The following EML5 variants were observed in gnomAD, a reference collection of about 807,000 sequenced individuals.
EML5 encodes EMAP like 5.
In EML5, 120 loss-of-function variants were observed where a neutral mutation model predicts 250.0. The observed-to-expected ratio is 0.48, with a 90% confidence interval of 0.41 to 0.56. EML5 has a LOEUF of 0.56. EML5 is among the 20% of genes least tolerant of loss of function. EML5 has a pLI of 0.00. For synonymous variants in EML5, 771 were observed against 806.5 expected, an observed-to-expected ratio of 0.96 and a Z score of 0.75; for missense variants, 2,006 against 2,437.6, an observed-to-expected ratio of 0.82 and a Z score of 3.73.
At chr14:88,728,608 T>C (rs772831734) in intron 7 of EML5, among the ~76,000 whole-genome samples, 4 of 152,128 alleles carry the variant, frequency 2.6e-5, no homozygotes, top group Non-Finnish European at 4.4e-5. Flanking sequence ...CATCTTCACA[T>C]TGTGTAGGCT....
chr14:88,733,416 G>C lies in EML5; in HGVS notation c.1049+2948C>G, dbSNP rs537947651. Among the ~76,000 whole-genome samples the C allele has an allele frequency of 2.0e-5, 3 of 152,336 alleles. 1 individual carries two copies. The highest frequency in any genetic ancestry group is 7.2e-5 in the African/African-American group (3 of 41,576). On this transcript the variant is annotated intron_variant, in intron 7 of 43. Transcript: ENST00000554922. ...GTTCTTTGAAGCTTTTAAGGTGATT[G>C]ACATTTTAACTAATATCTTTAGTTG...
intron 24 of EML5, among the ~76,000 whole-genome samples, chr14:88,662,707 T>C (rs2092162783): frequency 6.6e-6 from 1 of 151,840 alleles, no homozygotes; most frequent in Non-Finnish European, 1.5e-5. Flanking sequence ...CATGCCCAGC[T>C]AATTTTTTGT....
At chr14:88,618,032 C>T in intron 41 of EML5, 196 bp downstream of exon 41, 2 of 375,412 alleles carry the variant, frequency 5.3e-6, no homozygotes, top group Non-Finnish European at 9.4e-6. Flanking sequence ...CTTGATAAAT[C>T]ATGGAAACTG....
intron 1 of EML5, among the ~76,000 whole-genome samples, chr14:88,766,137 T>C (rs2094316596): frequency 6.6e-6 from 1 of 152,208 alleles, no homozygotes; most frequent in Non-Finnish European, 1.5e-5. Flanking sequence ...TGAGGATGTA[T>C]GTCGCCTCAG....
intron 33 of EML5, among the ~76,000 whole-genome samples, chr14:88,633,841 G>A (rs994228966): frequency 2.0e-5 from 3 of 152,112 alleles, no homozygotes; most frequent in East Asian, 1.9e-4. Flanking sequence ...GAACTCCTGG[G>A]CTCAAGTGAT....
At chr14:88,618,042 G>C in intron 41 of EML5, 186 bp downstream of exon 41, 1 of 398,400 alleles carries the variant, frequency 2.5e-6, no homozygotes, top group Non-Finnish European at 4.4e-6. Context: ...CATGGAAACT[G>C]ATAAAACATG....
chr14:88,658,475 T>A, intron 25 of EML5, 87 bp from the exon 26 acceptor site: 1 of 1,075,172 alleles, frequency 9.3e-7, no homozygotes, highest in Non-Finnish European at 1.3e-6. Flanking sequence ...TATTAATAAT[T>A]AAAAATTAAT....
chr14:88,685,242 TA>T, intron 19 of EML5, 100 bp from the exon 20 acceptor site: 1 of 998,632 alleles, frequency 1.0e-6, no homozygotes, highest in Non-Finnish European at 1.4e-6. Context: ...AAAATCACAT[TA>T]CAAGGTTTTC....
At chr14:88,702,761 A>AT (rs1434989110) in intron 13 of EML5, 129 bp from the exon 14 acceptor site, 27 of 640,676 alleles carry the variant, frequency 4.2e-5, no homozygotes, top group Non-Finnish European at 5.1e-5. Context: ...ATACTAAACA[A>AT]TTTTTTTTCA....
rs562289868 is a variant in EML5, at chr14:88,704,197, T to C, written c.2051+663A>G. Among the ~76,000 whole-genome samples the C allele has an allele frequency of 1.1e-4, 16 of 152,260 alleles. No homozygotes were observed. In the East Asian group the frequency reaches 3.1e-3, roughly 29 times the overall value. On this transcript the variant is annotated intron_variant, in intron 13 of 43. Transcript: ENST00000554922. ...TCCCCTTGGTGATGAGTGAGTTCTC[T>C]CTTGATTAGTTCATACAAGATCTGA...
chr14:88,650,394 T>C (rs534688080), intron 27 of EML5, among the ~76,000 whole-genome samples: 2 of 152,116 alleles, frequency 1.3e-5, no homozygotes, highest in South Asian at 4.1e-4. Context: ...TTGGAGGTTG[T>C]AGTGAGCCAA....
At chr14:88,683,386 T>G (rs969536394) in intron 20 of EML5, among the ~76,000 whole-genome samples, 4 of 152,186 alleles carry the variant, frequency 2.6e-5, no homozygotes, top group Non-Finnish European at 4.4e-5. Context: ...AGGAAAATGT[T>G]GAAAACAATA....
At position 88,738,687 on chromosome 14, in the gene EML5, A is replaced by G. The variant is rs576917227; in HGVS notation, c.847+192T>C. ...TTATGAAAGAATCTTTCTCCTAACA[A>G]TGAACCTAAACTCTTTACAGGCAAA... On this transcript the variant is annotated intron_variant, in intron 6 of 43. Transcript: ENST00000554922. 9.2e-5 allele frequency among the ~76,000 whole-genome samples: 14 copies of G among 152,300 alleles called. No individual in the cohort carries two copies. The East Asian group carries it at 2.3e-3, about 25-fold the overall frequency.
chr14:88,749,276 GACAA>G (rs1237833400), intron 2 of EML5, among the ~76,000 whole-genome samples: 2 of 152,178 alleles, frequency 1.3e-5, no homozygotes, highest in African/African-American at 4.8e-5. Context: ...GAAGACAATG[GACAA>G]ACAGTTTAAA....
chr14:88,709,259 C>CT (rs887721198), intron 10 of EML5, among the ~76,000 whole-genome samples: 48 of 151,976 alleles, frequency 3.2e-4, no homozygotes, highest in African/African-American at 1.1e-3. Flanking sequence ...ATAGACTTGA[C>CT]TACACTGAAA....
intron 7 of EML5, among the ~76,000 whole-genome samples, chr14:88,731,430 G>T (rs2093756692): frequency 6.6e-6 from 1 of 152,026 alleles, no homozygotes; most frequent in Admixed American, 6.5e-5. Flanking sequence ...AGTATTCCAT[G>T]GTGTATATGT....
intron 1 of EML5, among the ~76,000 whole-genome samples, chr14:88,783,974 C>G (rs1288982540): frequency 6.6e-6 from 1 of 151,974 alleles, no homozygotes; most frequent in Non-Finnish European, 1.5e-5. Context: ...TCTCTGACCA[C>G]AATGGAATAA....
At position 88,730,684 on chromosome 14, in the gene EML5, C is replaced by G. The variant is rs75884474; in HGVS notation, c.1050-4006G>C. 4.6e-3 allele frequency among the ~76,000 whole-genome samples: 701 copies of G among 152,192 alleles called. 3 individuals are homozygous for G. The highest frequency in any genetic ancestry group is 0.016 in the African/African-American group (647 of 41,530). ...GGAGTCAATGCAAAGTGTGAAGTGA[C>G]AAGAATTTGCTTTTATGAATAGTCT... is the stretch of plus-strand genomic sequence containing the variant. On this transcript the variant is annotated intron_variant, in intron 7 of 43. Coordinates refer to ENST00000554922, the MANE Select transcript of EML5 (RefSeq NM_183387.3).
intron 15 of EML5, among the ~76,000 whole-genome samples, chr14:88,696,438 T>C (rs1424643177): frequency 1.3e-5 from 2 of 152,128 alleles, no homozygotes; most frequent in African/African-American, 2.4e-5. Context: ...CTAAAATAAG[T>C]ATTTCAATTC....
Sources: gnomAD v4.1 joint callset for allele counts (sites outside exome capture counted in the v4.1 genomes callset) on GRCh38, gnomAD v4.1.1 for gene constraint, MANE v1.5 for transcripts, NCBI Gene and HGNC (gene_info 2026-07-23, HGNC 2026-07-21) for gene names.